The following MAP2K5 variants were observed in gnomAD, a reference collection of about 807,000 sequenced individuals.
MAP2K5 encodes mitogen-activated protein kinase kinase 5.
A neutral mutation model predicts 83.1 loss-of-function variants in MAP2K5; 49 were observed. That is an observed-to-expected ratio of 0.59 (90% CI 0.47 to 0.75). The LOEUF (loss-of-function observed/expected upper bound fraction) is 0.75, where lower values mean the gene tolerates loss of function less well. Among genes scored for constraint, MAP2K5 ranks in the 30% least tolerant of loss-of-function variants. The probability of loss-of-function intolerance (pLI) is 0.00; values close to 1 mark genes in which losing one functional copy is unlikely to be tolerated. For missense variants in MAP2K5, 457 were observed against 557.5 expected (o/e 0.82, Z 1.82); for synonymous variants, 202 against 191.8 (o/e 1.05, Z -0.44).
chr15:67,752,417 C>A (rs534267318), intron 19 of MAP2K5, among the ~76,000 whole-genome samples: 1 of 151,944 alleles, frequency 6.6e-6, no homozygotes, highest in South Asian at 2.1e-4. Flanking sequence ...CGGTGGCTCA[C>A]GCCTGTAATT....
intron 17 of MAP2K5, among the ~76,000 whole-genome samples, chr15:67,741,897 CT>C (rs58351164): frequency 1.9e-3 from 273 of 144,564 alleles, no homozygotes; most frequent in Non-Finnish European, 1.6e-3. Context: ...TAAGAAAGAA[CT>C]TTTTTTTTTT....
chr15:67,642,825 G>A lies in MAP2K5; in HGVS notation c.586-3406G>A, dbSNP rs567350907. Among the ~76,000 whole-genome samples, 13 of 152,288 alleles carry A rather than the reference G, an allele frequency of 8.5e-5. No individual in the cohort carries two copies. The South Asian group carries it at 2.7e-3, about 32-fold the overall frequency. On this transcript the variant is annotated intron_variant, in intron 9 of 21. Coordinates refer to ENST00000178640, the MANE Select transcript of MAP2K5 (RefSeq NM_145160.3). Reference sequence around the variant, plus strand: ...AACACATTAAGGTTCTTGATCAAGGGAATGATATATTCACAGCCAGTAGTT... The same window carrying A: ...AACACATTAAGGTTCTTGATCAAGGAAATGATATATTCACAGCCAGTAGTT...
chr15:67,753,984 G>T (rs977478860), intron 19 of MAP2K5, among the ~76,000 whole-genome samples: 24 of 152,222 alleles, frequency 1.6e-4, no homozygotes, highest in Non-Finnish European at 2.6e-4. Context: ...AAATAGGAAT[G>T]AAGTACTGAT....
At chr15:67,745,431 T>C (rs1292924965) in intron 17 of MAP2K5, among the ~76,000 whole-genome samples, 1 of 152,256 alleles carries the variant, frequency 6.6e-6, no homozygotes, top group Non-Finnish European at 1.5e-5. Flanking sequence ...CACTTTTTCA[T>C]GAACTGTGTG....
At position 67,775,907 on chromosome 15, in the gene MAP2K5, A is replaced by G. The variant is rs1173491006; in HGVS notation, c.1242+3155A>G. Among the ~76,000 whole-genome samples, 2 of 152,214 alleles carry G rather than the reference A, an allele frequency of 1.3e-5. No individual in the cohort carries two copies. The highest frequency in any genetic ancestry group is 1.3e-4 in the Admixed American group (2 of 15,288). On this transcript the variant is annotated intron_variant, in intron 21 of 21. Coordinates refer to ENST00000178640, the MANE Select transcript of MAP2K5 (RefSeq NM_145160.3). The surrounding 1 kb of genome is among the most constrained non-coding windows in gnomAD (Gnocchi z 5.3). ...AACATTGACCTGGTGGAGTTCAAAC[A>G]GGCAACATATTCACCACCAGCTGGG... is the stretch of plus-strand genomic sequence containing the variant.
At chr15:67,759,242 T>C (rs2089901644) in intron 19 of MAP2K5, among the ~76,000 whole-genome samples, 1 of 151,974 alleles carries the variant, frequency 6.6e-6, no homozygotes. Flanking sequence ...AATGATTGCC[T>C]AATAATACCT....
Position 67,561,532 on chromosome 15 carries a change from T to C in MAP2K5, c.185-1751T>C, listed in dbSNP as rs1335520331. Among the ~76,000 whole-genome samples the C allele has an allele frequency of 6.6e-6, 1 of 152,238 alleles. No homozygotes were observed. Reference sequence around the variant, plus strand: ...AAACAGGCAACTCTTGATAGCAGAATACTGGTAGTGACTCTCCTAGATTTA... The same window carrying C: ...AAACAGGCAACTCTTGATAGCAGAACACTGGTAGTGACTCTCCTAGATTTA... On this transcript the variant is annotated intron_variant, in intron 2 of 21. Transcript: ENST00000178640. This position sits in a 1 kb window ranked among gnomAD's most constrained non-coding sequence, Gnocchi z 4.2.
At position 67,560,417 on chromosome 15, in the gene MAP2K5, G is replaced by C. The variant is rs527989814; in HGVS notation, c.185-2866G>C. Among the ~76,000 whole-genome samples, 7 of 152,352 alleles carry C rather than the reference G, an allele frequency of 4.6e-5. No homozygotes were observed. In the East Asian group the frequency reaches 1.3e-3, roughly 29 times the overall value. On this transcript the variant is annotated intron_variant, in intron 2 of 21. Transcript: ENST00000178640. ...AAATCAGACAGTCTCCCAAAGAGCA[G>C]TTTGTAAAGAAAACCAATACCTATA... is the stretch of plus-strand genomic sequence containing the variant.
chr15:67,549,441 T>G lies in MAP2K5; in HGVS notation c.136-593T>G, dbSNP rs141804835. On this transcript the variant is annotated intron_variant, in intron 1 of 21. Coordinates refer to ENST00000178640, the MANE Select transcript of MAP2K5 (RefSeq NM_145160.3). ...GTGGCATAATGGGTTTATATCGTCA[T>G]GGAAACTTGGGTGTCGAACTCCTAC... 1.7e-4 allele frequency among the ~76,000 whole-genome samples: 26 copies of G among 152,346 alleles called. No individual in the cohort carries two copies. The East Asian group carries it at 5.0e-3, about 29-fold the overall frequency.
chr15:67,743,919 T>C (rs1335654826), intron 17 of MAP2K5, among the ~76,000 whole-genome samples: 1 of 152,216 alleles, frequency 6.6e-6, no homozygotes, highest in African/African-American at 2.4e-5. Context: ...CATGGGCATC[T>C]GACTAGAATC....
At position 67,577,975 on chromosome 15, in the gene MAP2K5, G is replaced by A. The variant is rs1489259867; in HGVS notation, c.253-2779G>A. ...AGATTGTGCCACTGTACTCTAGCCTGGGTGACAGAGCAAGACTCTGTCTCA... is the reference window on the plus strand; with the variant it reads ...AGATTGTGCCACTGTACTCTAGCCTAGGTGACAGAGCAAGACTCTGTCTCA... On this transcript the variant is annotated intron_variant, in intron 3 of 21. Coordinates refer to ENST00000178640, the MANE Select transcript of MAP2K5 (RefSeq NM_145160.3). The surrounding 1 kb of genome is among the most constrained non-coding windows in gnomAD (Gnocchi z 4.1). Among the ~76,000 whole-genome samples the A allele has an allele frequency of 6.6e-6, 1 of 152,124 alleles. No homozygotes were observed. The highest frequency in any genetic ancestry group is 2.4e-5 in the African/African-American group (1 of 41,422).
At chr15:67,603,766 G>A (rs1469270911) in intron 8 of MAP2K5, among the ~76,000 whole-genome samples, 1 of 152,120 alleles carries the variant, frequency 6.6e-6, no homozygotes, top group Non-Finnish European at 1.5e-5. Flanking sequence ...TTATGATTGA[G>A]TTTCTTCTAC....
intron 6 of MAP2K5, chr15:67,588,282 C>A: frequency 6.0e-6 from 1 of 167,740 alleles, no homozygotes. Context: ...ACTGGGCCTG[C>A]ACATTTTCCC....
chr15:67,698,745 T>C lies in MAP2K5; in HGVS notation c.973-4592T>C, dbSNP rs1271123413. The stretch of plus-strand genomic sequence containing the variant: ...CCCAAGCTATTCCAGTTCTTGGTAA[T>C]TGTCTTTACTCGGAATAAAACACAT... On this transcript the variant is annotated intron_variant, in intron 15 of 21. Coordinates refer to ENST00000178640, the MANE Select transcript of MAP2K5 (RefSeq NM_145160.3). This position sits in a 1 kb window ranked among gnomAD's most constrained non-coding sequence, Gnocchi z 4.5. 2.0e-5 allele frequency among the ~76,000 whole-genome samples: 3 copies of C among 152,212 alleles called. No homozygotes were observed. Among genetic ancestry groups the C allele is most frequent in the Non-Finnish European group, 4.4e-5 (3 of 68,048 alleles).
intron 13 of MAP2K5, among the ~76,000 whole-genome samples, chr15:67,688,775 A>T (rs1259498274): frequency 6.6e-6 from 1 of 152,212 alleles, no homozygotes; most frequent in Non-Finnish European, 1.5e-5. Context: ...AAAACATCAC[A>T]TGCCAAGGCC....
chr15:67,628,477 C>G, intron 8 of MAP2K5: 1 of 614,456 alleles, frequency 1.6e-6, no homozygotes, highest in Non-Finnish European at 2.8e-6. Context: ...GAGACTCCAT[C>G]TAAAAAAAAA....
At position 67,780,801 on chromosome 15, in the gene MAP2K5, C is replaced by T. The variant is rs556373276; in HGVS notation, c.1242+8049C>T. Among the ~76,000 whole-genome samples the T allele has an allele frequency of 1.1e-4, 16 of 152,236 alleles. 1 individual carries two copies. The South Asian group carries it at 2.5e-3, about 24-fold the overall frequency. On this transcript the variant is annotated intron_variant, in intron 21 of 21. Coordinates refer to ENST00000178640, the MANE Select transcript of MAP2K5 (RefSeq NM_145160.3). The surrounding 1 kb of genome is among the most constrained non-coding windows in gnomAD (Gnocchi z 5.0). Reference sequence around the variant, plus strand: ...ACAACCAGTATAGCATGAGGATTACCGTTCAGAACCAACACCAGGGTTTAG... The same window carrying T: ...ACAACCAGTATAGCATGAGGATTACTGTTCAGAACCAACACCAGGGTTTAG...
rs1010551534 is a variant in MAP2K5, at chr15:67,722,792, C to T, written c.1045-5124C>T. 2.9e-4 allele frequency among the ~76,000 whole-genome samples: 44 copies of T among 152,054 alleles called. 1 individual carries two copies. Among genetic ancestry groups the T allele is most frequent in the African/African-American group, 1.1e-3 (44 of 41,400 alleles). ...AAAATGAAGATTTAACTGCAGCGCA[C>T]AATCTAAATGCAAAATCCTTAGATG... is the stretch of plus-strand genomic sequence containing the variant. On this transcript the variant is annotated intron_variant, in intron 16 of 21. Coordinates refer to ENST00000178640, the MANE Select transcript of MAP2K5 (RefSeq NM_145160.3). This position sits in a 1 kb window ranked among gnomAD's most constrained non-coding sequence, Gnocchi z 4.2.
At position 67,794,975 on chromosome 15, in the gene MAP2K5, G is replaced by C. The variant is rs1260229785; in HGVS notation, c.1243-11671G>C. 6.6e-6 allele frequency among the ~76,000 whole-genome samples: 1 copy of C among 152,164 alleles called. No homozygotes were observed. The highest frequency in any genetic ancestry group is 2.1e-4 in the South Asian group (1 of 4,830). ...TGAAACCTCTGACGCCCCCGCGGTG[G>C]GTGATGTTTTGTCAGTGCTCATTGG... On this transcript the variant is annotated intron_variant, in intron 21 of 21. Transcript: ENST00000178640. This position sits in a 1 kb window ranked among gnomAD's most constrained non-coding sequence, Gnocchi z 4.6.
Sources: gnomAD v4.1 joint callset for allele counts (sites outside exome capture counted in the v4.1 genomes callset) on GRCh38, gnomAD v4.1.1 for gene constraint, Gnocchi (gnomAD v3.1) non-coding constraint, MANE v1.5 for transcripts, NCBI Gene and HGNC (gene_info 2026-07-23, HGNC 2026-07-21) for gene names.